Variants in FBXO39 observed in about 807,000 individuals in gnomAD.
FBXO39 encodes F-box only protein 39.
Under a neutral mutation model 36.6 loss-of-function variants are expected in FBXO39, and 22 were observed. The observed-to-expected ratio is 0.60, with a 90% CI of 0.43 to 0.86. The LOEUF (loss-of-function observed/expected upper bound fraction) is 0.86, where lower values mean the gene tolerates loss of function less well. Among genes scored for constraint, FBXO39 ranks in the 40% least tolerant of loss-of-function variants. The pLI, the probability that FBXO39 is intolerant of heterozygous loss-of-function variation, is 0.00. For missense variants in FBXO39, 536 were observed against 543.9 expected, an observed-to-expected ratio of 0.99 and a Z score of 0.14; for synonymous variants, 206 against 205.8, an observed-to-expected ratio of 1.00 and a Z score of -0.01.
At chr17:6,781,665 T>G (rs1266196432) in intron 2 of FBXO39, among the ~76,000 whole-genome samples, 4 of 152,172 alleles carry the variant, frequency 2.6e-5, no homozygotes, top group African/African-American at 9.7e-5. Context: ...GCCAGTCCAC[T>G]GCAGGGCTGG....
intron 1 of FBXO39, among the ~76,000 whole-genome samples, chr17:6,776,496 G>A (rs1976412911): frequency 6.6e-6 from 1 of 152,110 alleles, no homozygotes; most frequent in African/African-American, 2.4e-5. Context: ...TCCCTCCCTG[G>A]TTGGCAGCTG....
rs752994888 is a variant in FBXO39 at position 6,780,382 on chromosome 17, G to A, written c.514G>A (p.Ala172Thr). 5 of 1,614,098 alleles carry A rather than the reference G, an allele frequency of 3.1e-6. No individual in the cohort carries two copies. Among genetic ancestry groups the A allele is most frequent in the Admixed American group, 3.3e-5 (2 of 60,018 alleles). The change falls in exon 2 of 4, where the codon GCC becomes ACC. Residue 172 changes from alanine to threonine, a missense_variant. Physicochemically the swap from Ala to Thr is moderately conservative, Grantham distance 58. Transcript: ENST00000321535. ...KRLDYLNLKGARLTVEQGCQI... is the reference protein window; with the variant it reads ...KRLDYLNLKGTRLTVEQGCQI... Reference sequence around the variant, plus strand: ...CCTGGATTATCTCAACCTAAAAGGGGCCAGGCTGACCGTGGAGCAAGGCTG... The same window carrying A: ...CCTGGATTATCTCAACCTAAAAGGGACCAGGCTGACCGTGGAGCAAGGCTG...
intron 1 of FBXO39, among the ~76,000 whole-genome samples, chr17:6,776,536 A>T (rs962255851): frequency 2.0e-5 from 3 of 152,124 alleles, no homozygotes; most frequent in African/African-American, 7.2e-5. Context: ...CCTGGGTTCG[A>T]ATCCTATCTC....
intron 2 of FBXO39, among the ~76,000 whole-genome samples, chr17:6,786,360 G>T (rs896041351): frequency 6.6e-6 from 1 of 152,140 alleles, no homozygotes; most frequent in African/African-American, 2.4e-5. Flanking sequence ...AGGGTAGTAG[G>T]GGGTGCAGAG....
At chr17:6,784,929 A>ATATG (rs1491434533) in intron 2 of FBXO39, among the ~76,000 whole-genome samples, 24 of 136,214 alleles carry the variant, frequency 1.8e-4, no homozygotes, top group Non-Finnish European at 2.8e-4. Context: ...ATATATATAT[A>ATATG]TGTGTGTGTG....
chr17:6,780,967 C>G, intron 2 of FBXO39, 76 bp downstream of exon 2: 1 of 1,432,350 alleles, frequency 7.0e-7, no homozygotes, highest in South Asian at 1.3e-5. Context: ...GCTGCCTGCT[C>G]TTGGCTAGGC....
In FBXO39 at chr17:6,787,351, C is replaced by A. The variant is rs991629302; in HGVS notation, c.1252C>A (p.Gln418Lys). The change falls in exon 4 of 4, where the codon CAG (glutamine) becomes AAG (lysine). Residue 418 changes from glutamine to lysine, a missense_variant. Gln to Lys is a moderately conservative substitution (Grantham distance 53). Transcript: ENST00000321535. ...GACGAATGAAGAGGACAAGACCCTG[C>A]AGGAAATTTACAGGAAGTACAGAAA... is the stretch of plus-strand genomic sequence containing the variant. ...YETNEEDKTL[Q>K]EIYRKYRKLI... 9 of 1,613,990 alleles carry A rather than the reference C, an allele frequency of 5.6e-6. No individual in the cohort carries two copies. Among genetic ancestry groups the A allele is most frequent in the Non-Finnish European group, 7.6e-6 (9 of 1,179,986 alleles).
At chr17:6,781,583 C>T (rs894254263) in intron 2 of FBXO39, among the ~76,000 whole-genome samples, 2 of 152,084 alleles carry the variant, frequency 1.3e-5, no homozygotes, top group African/African-American at 2.4e-5. Context: ...AGGTGGGGTA[C>T]GGCAGACATC....
In FBXO39 at chr17:6,780,746, T is replaced by G. The variant is rs1345578429; in HGVS notation, c.878T>G (p.Met293Arg). The change falls in exon 2 of 4, where the codon ATG (methionine) becomes AGG (arginine). Residue 293 changes from methionine (M) to arginine (R), a missense_variant. Met to Arg is a moderately conservative substitution (Grantham distance 91). Transcript: ENST00000321535. ...LKVNFFFERIMKYERLARILL... is the reference protein window; with the variant it reads ...LKVNFFFERIRKYERLARILL... ...GTGAACTTCTTCTTTGAACGGATCA[T>G]GAAGTACGAACGCTTGGCCCGAATC... is the stretch of plus-strand genomic sequence containing the variant. 8 of 1,614,110 alleles carry G rather than the reference T, an allele frequency of 5.0e-6. No homozygotes were observed. The highest frequency in any genetic ancestry group is 3.4e-6 in the Non-Finnish European group (4 of 1,180,032).
intron 3 of FBXO39, 112 bp downstream of exon 3, chr17:6,787,068 T>C (rs958802448): frequency 2.2e-6 from 3 of 1,385,892 alleles, no homozygotes; most frequent in East Asian, 2.3e-5. Context: ...CATCTGTTCA[T>C]TGAAAATCAG....
chr17:6,779,875 G>C lies in FBXO39; in HGVS notation c.7G>C (p.Glu3Gln). Reference sequence around the variant, plus strand: ...TGTACATCCCAGTTCCTGGATGGACGAAGAAAGTGAACTGATCCAGCCCCA... The same window carrying C: ...TGTACATCCCAGTTCCTGGATGGACCAAGAAAGTGAACTGATCCAGCCCCA... MD[E>Q]ESELIQPQDQ... Residue 3 changes from glutamate (E) to glutamine (Q), a missense_variant, in exon 2 of 4, where the codon GAA becomes CAA. By Grantham distance (29) the Glu-to-Gln change is conservative. Coordinates refer to ENST00000321535, the MANE Select transcript of FBXO39 (RefSeq NM_153230.3). The C allele has an allele frequency of 6.2e-7, 1 of 1,613,954 alleles. No homozygotes were observed.
intron 1 of FBXO39, among the ~76,000 whole-genome samples, chr17:6,777,268 C>T (rs951722945): frequency 6.6e-6 from 1 of 151,876 alleles, no homozygotes; most frequent in East Asian, 1.9e-4. Context: ...TTGCCCGCCA[C>T]CCCCCGACAG....
intron 2 of FBXO39, among the ~76,000 whole-genome samples, chr17:6,782,555 T>C (rs768045289): frequency 4.6e-5 from 7 of 151,878 alleles, no homozygotes; most frequent in Non-Finnish European, 1.0e-4. Flanking sequence ...AAGACACACA[T>C]AGACTGAAAA....
At chr17:6,785,642 C>A (rs1411617139) in intron 2 of FBXO39, among the ~76,000 whole-genome samples, 1 of 149,966 alleles carries the variant, frequency 6.7e-6, no homozygotes, top group Non-Finnish European at 1.5e-5. Context: ...AGAGCTCAAA[C>A]AACTCTATAG....
intron 1 of FBXO39, 54 bp from the exon 2 acceptor site, chr17:6,779,735 T>G: frequency 1.0e-6 from 1 of 968,704 alleles, no homozygotes; most frequent in Non-Finnish European, 1.5e-6. Flanking sequence ...GCTGGTTCAT[T>G]TGAGTTTAAT....
chr17:6,777,141 T>C (rs1483163277), intron 1 of FBXO39, among the ~76,000 whole-genome samples: 1 of 152,156 alleles, frequency 6.6e-6, no homozygotes, highest in African/African-American at 2.4e-5. Flanking sequence ...GTGCAGAACA[T>C]GCAGGTTTGT....
chr17:6,779,150 T>C (rs1459591509), intron 1 of FBXO39, among the ~76,000 whole-genome samples: 1 of 152,174 alleles, frequency 6.6e-6, no homozygotes, highest in South Asian at 2.1e-4. Flanking sequence ...TTCCAGAATC[T>C]TGGGGAAAGG....
In FBXO39 at chr17:6,780,877, C is replaced by T. The variant is rs201119465; in HGVS notation, c.1009C>T (p.Arg337Trp). Residue 337 changes from arginine to tryptophan, a missense_variant, in exon 2 of 4, where the codon CGG (arginine) becomes TGG (tryptophan). Physicochemically the swap from Arg to Trp is moderately radical, Grantham distance 101. Coordinates refer to ENST00000321535, the MANE Select transcript of FBXO39 (RefSeq NM_153230.3). ...TCTGATAGATCTCCTGCCCACCTTC[C>T]GGCACACTCTGCAGGTAGGTAGGAC... Reference protein sequence around the residue: ...PTLIDLLPTFRHTLQKLTCEF... With the variant: ...PTLIDLLPTFWHTLQKLTCEF... The T allele has an allele frequency of 5.0e-6, 8 of 1,611,510 alleles. No homozygotes were observed. Among genetic ancestry groups the T allele is most frequent in the African/African-American group, 4.0e-5 (3 of 74,906 alleles).
intron 2 of FBXO39, among the ~76,000 whole-genome samples, chr17:6,782,200 A>G (rs2151574046): frequency 6.6e-6 from 1 of 152,294 alleles, no homozygotes; most frequent in Non-Finnish European, 1.5e-5. Flanking sequence ...AATAGTGTTA[A>G]GTTGTCATCA....
Sources: gnomAD v4.1 joint callset for allele counts (sites outside exome capture counted in the v4.1 genomes callset) on GRCh38, gnomAD v4.1.1 for gene constraint, MANE v1.5 for transcripts, NCBI Gene and HGNC (gene_info 2026-07-23, HGNC 2026-07-21) for gene names.